Variants in PPP1R36 observed in about 807,000 individuals in gnomAD.
The protein encoded by PPP1R36 is chromosome 14 open reading frame 50.
Under a neutral mutation model 53.4 loss-of-function variants are expected in PPP1R36, and 47 were observed. The ratio of observed to expected loss-of-function variants is 0.88; its 90% CI spans 0.70 to 1.12. The LOEUF is 1.12. Ranked by LOEUF, PPP1R36 falls within the 50% of genes most tolerant of loss-of-function variation. PPP1R36 has a pLI of 0.00. For missense variants in PPP1R36, 456 were observed against 513.9 expected (o/e 0.89, Z 1.09); for synonymous variants, 153 against 170.5 (o/e 0.90, Z 0.80).
chr14:64,567,871 C>G (rs566675441), intron 6 of PPP1R36, among the ~76,000 whole-genome samples: 167 of 152,178 alleles, frequency 1.1e-3, no homozygotes, highest in African/African-American at 3.7e-3. Flanking sequence ...CCAGGCTGGT[C>G]TCGAACTCCT....
intron 3 of PPP1R36, among the ~76,000 whole-genome samples, chr14:64,560,905 A>G (rs1013762535): frequency 1.3e-5 from 2 of 152,152 alleles, no homozygotes; most frequent in African/African-American, 2.4e-5. Flanking sequence ...GGTGCTAGTG[A>G]AGTAGATGGA....
intron 8 of PPP1R36, among the ~76,000 whole-genome samples, chr14:64,584,906 A>G (rs2080418980): frequency 6.6e-6 from 1 of 152,256 alleles, no homozygotes; most frequent in Non-Finnish European, 1.5e-5. Context: ...CACATAGTCC[A>G]TACTTAGTCC....
At chr14:64,581,502 T>G (rs1482943789) in intron 8 of PPP1R36, among the ~76,000 whole-genome samples, 1 of 152,184 alleles carries the variant, frequency 6.6e-6, no homozygotes, top group African/African-American at 2.4e-5. Flanking sequence ...TGACTCTAAC[T>G]TCCTTGGCTG....
chr14:64,563,629 G>A (rs1487927633), intron 3 of PPP1R36, among the ~76,000 whole-genome samples: 5 of 152,174 alleles, frequency 3.3e-5, no homozygotes, highest in Non-Finnish European at 5.9e-5. Context: ...CTGTCATGGG[G>A]AGGTATTTAA....
chr14:64,587,132 A>G, intron 9 of PPP1R36, 62 bp from the exon 10 acceptor site: 1 of 1,301,788 alleles, frequency 7.7e-7, no homozygotes, highest in Non-Finnish European at 1.1e-6. Flanking sequence ...TGTTATACAG[A>G]CAGGTAAGAG....
chr14:64,577,302 G>T (rs2080349970), intron 8 of PPP1R36, among the ~76,000 whole-genome samples: 1 of 152,192 alleles, frequency 6.6e-6, no homozygotes, highest in African/African-American at 2.4e-5. Context: ...TTCAACATAT[G>T]AATTTTGGGG....
chr14:64,576,951 T>G (rs1016070166), intron 8 of PPP1R36, among the ~76,000 whole-genome samples: 7 of 152,202 alleles, frequency 4.6e-5, no homozygotes, highest in African/African-American at 1.7e-4. Flanking sequence ...CACCACCAGG[T>G]CTGCACTGAG....
chr14:64,567,805 G>T (rs1174404322), intron 6 of PPP1R36, among the ~76,000 whole-genome samples: 9 of 152,070 alleles, frequency 5.9e-5, no homozygotes. Flanking sequence ...GGGATTACAG[G>T]GATGCACCAC....
At chr14:64,576,098 T>G (rs1424452026) in intron 8 of PPP1R36, among the ~76,000 whole-genome samples, 2 of 72,008 alleles carry the variant, frequency 2.8e-5, no homozygotes, top group East Asian at 9.0e-4. Context: ...TTTTTTTTTT[T>G]GACAAAGTCT....
intron 7 of PPP1R36, among the ~76,000 whole-genome samples, chr14:64,571,149 G>T (rs61987035): frequency 0.17 from 25,162 of 148,286 alleles, 2,408 homozygotes; most frequent in East Asian, 0.22. Context: ...TGTTTGAAAC[G>T]GAGTCTTGCT....
intron 3 of PPP1R36, among the ~76,000 whole-genome samples, chr14:64,559,151 G>A (rs2080183317): frequency 6.6e-6 from 1 of 152,208 alleles, no homozygotes; most frequent in African/African-American, 2.4e-5. Flanking sequence ...GGGGTTGGAA[G>A]AGAGAGCCGC....
At chr14:64,564,948 C>A in intron 4 of PPP1R36, 111 bp downstream of exon 4, 2 of 688,314 alleles carry the variant, frequency 2.9e-6, no homozygotes, top group South Asian at 3.8e-5. Flanking sequence ...GGTCGCAATG[C>A]GAATACCCAT....
At chr14:64,584,504 C>A (rs553651984) in intron 8 of PPP1R36, among the ~76,000 whole-genome samples, 11 of 152,274 alleles carry the variant, frequency 7.2e-5, no homozygotes, top group African/African-American at 2.6e-4. Context: ...ATCAGCACAC[C>A]CCTCAGGTGG....
At chr14:64,583,444 T>C (rs540077424) in intron 8 of PPP1R36, among the ~76,000 whole-genome samples, 24 of 152,262 alleles carry the variant, frequency 1.6e-4, no homozygotes, top group Middle Eastern at 3.4e-3. Flanking sequence ...TAAATCAGAA[T>C]GGCAAGAAGA....
chr14:64,588,390 G>T, intron 11 of PPP1R36, 95 bp downstream of exon 11: 1 of 1,116,060 alleles, frequency 9.0e-7, no homozygotes, highest in South Asian at 1.6e-5. Context: ...CCTCTGCCAG[G>T]GAATCGAGCC....
intron 8 of PPP1R36, among the ~76,000 whole-genome samples, chr14:64,580,266 C>T (rs1322724743): frequency 1.3e-5 from 2 of 152,184 alleles, no homozygotes; most frequent in Non-Finnish European, 2.9e-5. Flanking sequence ...GTGCTACTTA[C>T]TGCACTCCAA....
At chr14:64,551,516 T>C (rs1463695419) in intron 2 of PPP1R36, 3 of 420,552 alleles carry the variant, frequency 7.1e-6, no homozygotes, top group African/African-American at 4.1e-5. Flanking sequence ...TACAAGTGTA[T>C]AGCTAAATTA....
At chr14:64,563,647 T>A (rs2080225508) in intron 3 of PPP1R36, among the ~76,000 whole-genome samples, 1 of 152,170 alleles carries the variant, frequency 6.6e-6, no homozygotes, top group Non-Finnish European at 1.5e-5. Context: ...TAACAAAATT[T>A]CTTTGTGGGA....
chr14:64,557,985 G>A (rs536948145), intron 3 of PPP1R36, among the ~76,000 whole-genome samples: 39 of 115,432 alleles, frequency 3.4e-4, no homozygotes, highest in African/African-American at 1.1e-3. Context: ...CTCCAGCCTG[G>A]GTGAAAGAAA....
Sources: gnomAD v4.1 joint callset for allele counts (sites outside exome capture counted in the v4.1 genomes callset) on GRCh38, gnomAD v4.1.1 for gene constraint, MANE v1.5 for transcripts, NCBI Gene and HGNC (gene_info 2026-07-23, HGNC 2026-07-21) for gene names.